CADPS: variants seen among roughly 807,000 people sequenced by gnomAD.
CADPS encodes calcium dependent secretion activator, also known as calcium-dependent secretion activator 1.
CADPS carries 57 observed loss-of-function variants against 167.3 expected under a neutral mutation model. That is an observed-to-expected ratio of 0.34 (90% CI 0.28 to 0.42). The LOEUF is 0.42. CADPS is among the 20% of genes least tolerant of loss of function. The probability of loss-of-function intolerance (pLI) is 1.00; values close to 1 mark genes in which losing one functional copy is unlikely to be tolerated. For missense variants in CADPS, 1,414 were observed against 1,738.1 expected (o/e 0.81, Z 3.32); for synonymous variants, 676 against 635.3 (o/e 1.06, Z -0.96).
intron 7 of CADPS, among the ~76,000 whole-genome samples, chr3:62,586,227 G>A (rs1368043790): frequency 6.6e-6 from 1 of 152,228 alleles, no homozygotes; most frequent in Non-Finnish European, 1.5e-5. Context: ...TTGCTTCTGT[G>A]ATGGCAGCAC....
At chr3:62,564,461 A>C (rs151171736) in intron 9 of CADPS, among the ~76,000 whole-genome samples, 2 of 152,084 alleles carry the variant, frequency 1.3e-5, no homozygotes, top group Admixed American at 1.3e-4. Context: ...CACTTTGTAA[A>C]CTCTAAGAAA....
In CADPS at chr3:62,516,158, G is replaced by T. The variant is rs2068935527; in HGVS notation, c.2482C>A (p.Pro828Thr). ...ERVLMKDIVT[P>T]VPQEEVKTVI... The stretch of plus-strand genomic sequence containing the variant: ...GTTTTTACCTCCTCTTGTGGCACTG[G>T]GGTAACAATATCTTTCATCAAAACC... The change falls in exon 16 of 30, where the codon CCA becomes ACA. Residue 828 changes from proline to threonine, a missense_variant. Transcript: ENST00000383710. 1 of 1,613,036 alleles carries T rather than the reference G, an allele frequency of 6.2e-7. No individual in the cohort carries two copies. The highest frequency in any genetic ancestry group is 1.3e-5 in the African/African-American group (1 of 74,860).
intron 10 of CADPS, among the ~76,000 whole-genome samples, chr3:62,554,980 T>C (rs2077887878): frequency 6.6e-6 from 1 of 152,168 alleles, no homozygotes; most frequent in Non-Finnish European, 1.5e-5. Flanking sequence ...CTCGAACCCC[T>C]GACCTCAAGT....
chr3:62,445,869 C>T (rs2057139294), intron 26 of CADPS, 72 bp from the exon 27 acceptor site: 2 of 1,063,348 alleles, frequency 1.9e-6, no homozygotes, highest in South Asian at 2.8e-5. Context: ...AATGCTGTAT[C>T]CCCATCAGAA....
intron 1 of CADPS, among the ~76,000 whole-genome samples, chr3:62,821,807 A>G (rs370554473): frequency 1.4e-4 from 21 of 152,324 alleles, no homozygotes; most frequent in Non-Finnish European, 2.9e-4. Flanking sequence ...AATTCAACCC[A>G]TAACAGTCTC....
chr3:62,598,724 A>G (rs1163947147), intron 6 of CADPS, among the ~76,000 whole-genome samples: 3 of 152,210 alleles, frequency 2.0e-5, no homozygotes, highest in African/African-American at 7.2e-5. Context: ...CAAGGAGTAA[A>G]TGGCAGTTAG....
intron 6 of CADPS, among the ~76,000 whole-genome samples, chr3:62,620,320 T>C (rs2062978178): frequency 6.6e-6 from 1 of 152,132 alleles, no homozygotes. Context: ...CAGGATCTCA[T>C]TGACTGAGCA....
intron 11 of CADPS, among the ~76,000 whole-genome samples, chr3:62,543,797 G>A (rs749394362): frequency 7.2e-5 from 11 of 151,962 alleles, no homozygotes; most frequent in African/African-American, 9.7e-5. Flanking sequence ...TTCTAACTCC[G>A]TCTAACGTCA....
chr3:62,659,890 T>C lies in CADPS; in HGVS notation c.969+2424A>G, dbSNP rs75330916. Among the ~76,000 whole-genome samples, 1,005 of 152,296 alleles carry C rather than the reference T, an allele frequency of 6.6e-3. 23 individuals carry two copies. The East Asian group carries it at 0.09, about 14-fold the overall frequency. ...AGACAGTAGAGGGCACTCTATCTCA[T>C]AGAAACCCTCAATACCCTAGACAGG... On this transcript the variant is annotated intron_variant, in intron 4 of 29. Coordinates refer to ENST00000383710, the MANE Select transcript of CADPS (RefSeq NM_003716.4).
At chr3:62,724,512 T>C (rs2076389318) in intron 3 of CADPS, among the ~76,000 whole-genome samples, 1 of 152,158 alleles carries the variant, frequency 6.6e-6, no homozygotes, top group African/African-American at 2.4e-5. Context: ...TGAACATTAT[T>C]TCATAAACAA....
At chr3:62,418,436 T>A (rs2050623931) in intron 28 of CADPS, among the ~76,000 whole-genome samples, 1 of 147,950 alleles carries the variant, frequency 6.8e-6, no homozygotes. Flanking sequence ...GTGATCCTCC[T>A]GCCTCAGCAC....
At chr3:62,735,132 A>ATATTCATAT (rs2078730773) in intron 3 of CADPS, among the ~76,000 whole-genome samples, 1 of 152,188 alleles carries the variant, frequency 6.6e-6, no homozygotes, top group Non-Finnish European at 1.5e-5. Context: ...CATTAAGTAA[A>ATATTCATAT]TGACGGTATA....
chr3:62,493,757 AT>A, intron 18 of CADPS, 92 bp from the exon 19 acceptor site: 1 of 1,067,730 alleles, frequency 9.4e-7, no homozygotes, highest in Non-Finnish European at 1.4e-6. Flanking sequence ...TTCCATTTTA[AT>A]TTACAGTAAA....
chr3:62,682,122 A>T (rs2077238070), intron 3 of CADPS, among the ~76,000 whole-genome samples: 1 of 152,126 alleles, frequency 6.6e-6, no homozygotes, highest in Non-Finnish European at 1.5e-5. Flanking sequence ...CAATTTGGAA[A>T]GGTAGAGCCT....
At chr3:62,706,393 G>A (rs540823053) in intron 3 of CADPS, among the ~76,000 whole-genome samples, 26 of 152,208 alleles carry the variant, frequency 1.7e-4, no homozygotes, top group African/African-American at 6.3e-4. Context: ...GGACTTTGCA[G>A]TAGGGCCCTT....
chr3:62,445,803 G>A lies in CADPS; in HGVS notation c.3637-6C>T, dbSNP rs147390947. 18,438 of 1,504,322 alleles carry A rather than the reference G, an allele frequency of 0.012. 155 individuals carry two copies. The highest frequency in any genetic ancestry group is 0.021 in the South Asian group (1,532 of 71,894). The allele number at this position is 1,504,322 out of a possible 1,614,324, so 93.2% of individuals were successfully genotyped here. On this transcript the variant is annotated splice_polypyrimidine_tract_variant and splice_region_variant and intron_variant, in intron 26 of 29. Transcript: ENST00000383710. ...TATTTGGAAGCTGCCTTCACCTAAA[G>A]AGGAAAGAAGAGGATGGAAGTGAGG...
At chr3:62,507,658 G>A in intron 17 of CADPS, among the ~76,000 whole-genome samples, 1 of 152,120 alleles carries the variant, frequency 6.6e-6, no homozygotes, top group East Asian at 1.9e-4. Flanking sequence ...TGTTAAGAAT[G>A]CATATTCCCA....
chr3:62,499,069 T>C, intron 18 of CADPS, 93 bp downstream of exon 18: 1 of 697,412 alleles, frequency 1.4e-6, no homozygotes, highest in East Asian at 2.6e-5. Flanking sequence ...AAAATGGGTG[T>C]TAAGGCATCT....
chr3:62,652,850 T>C (rs542090455), intron 4 of CADPS, among the ~76,000 whole-genome samples: 3 of 152,330 alleles, frequency 2.0e-5, no homozygotes, highest in Non-Finnish European at 4.4e-5. Context: ...GAATTTATTT[T>C]TCTTTCAGTA....
Sources: gnomAD v4.1 joint callset for allele counts (sites outside exome capture counted in the v4.1 genomes callset) on GRCh38, gnomAD v4.1.1 for gene constraint, MANE v1.5 for transcripts, NCBI Gene and HGNC (gene_info 2026-07-23, HGNC 2026-07-21) for gene names.